The following GPSM2 variants were observed in gnomAD, a reference collection of about 807,000 sequenced individuals.
The protein encoded by GPSM2 is G protein-signaling modulator 2.
In GPSM2, 58 loss-of-function variants were observed where a neutral mutation model predicts 78.4. That is an observed-to-expected ratio of 0.74 (90% CI 0.60 to 0.92). The LOEUF (loss-of-function observed/expected upper bound fraction) is 0.92. Among genes scored for constraint, GPSM2 ranks in the 40% least tolerant of loss-of-function variants. GPSM2 has a pLI of 0.00. For synonymous variants in GPSM2, 224 were observed against 280.2 expected (o/e 0.80, Z 2.00); for missense variants, 700 against 815.5 (o/e 0.86, Z 1.73).
chr1:108,891,624 AGCTGGGACTACTACAGGT>A (rs1647975478), intron 2 of GPSM2, among the ~76,000 whole-genome samples: 3 of 150,418 alleles, frequency 2.0e-5, no homozygotes, highest in Non-Finnish European at 4.4e-5. Context: ...CCTCCCGAGT[AGCTGGGACTACTACAGGT>A]GCATGCCACC....
At chr1:108,901,303 G>A (rs960062342) in intron 7 of GPSM2, among the ~76,000 whole-genome samples, 6 of 152,130 alleles carry the variant, frequency 3.9e-5, no homozygotes, top group Non-Finnish European at 7.4e-5. Context: ...TTCATGAGTT[G>A]GTGACTAATG....
chr1:108,887,986 C>T (rs781544413), intron 2 of GPSM2, among the ~76,000 whole-genome samples: 18 of 152,130 alleles, frequency 1.2e-4, no homozygotes, highest in Non-Finnish European at 1.8e-4. Flanking sequence ...TTGCACTAAA[C>T]GATAAAATAA....
At position 108,932,421 on chromosome 1, in the gene GPSM2, C is replaced by G. The variant is rs879500380; in HGVS notation, c.*2481C>G. ...AATTTGCTTTCATATTTAAGTCTTT[C>G]CTGAATTGCTGTCATCATTCAACAA... is the stretch of plus-strand genomic sequence containing the variant. On this transcript the variant is annotated 3_prime_UTR_variant, in exon 15 of 15. Coordinates refer to ENST00000264126, the MANE Select transcript of GPSM2 (RefSeq NM_013296.5). 6 of 152,178 alleles carry G rather than the reference C, an allele frequency of 3.9e-5. No homozygotes were observed. The highest frequency in any genetic ancestry group is 8.8e-5 in the Non-Finnish European group (6 of 68,042). The allele number at this position is 152,178 out of a possible 1,614,324, so 9.4% of individuals were successfully genotyped here.
At chr1:108,922,277 A>T (rs1304517986) in intron 12 of GPSM2, 140 bp from the exon 13 acceptor site, 6 of 655,152 alleles carry the variant, frequency 9.2e-6, no homozygotes, top group Non-Finnish European at 1.4e-5. Flanking sequence ...AATATTTGCC[A>T]TCTTGTATTC....
At chr1:108,894,066 T>C (rs1316802540) in intron 2 of GPSM2, among the ~76,000 whole-genome samples, 2 of 152,110 alleles carry the variant, frequency 1.3e-5, no homozygotes, top group Non-Finnish European at 2.9e-5. Flanking sequence ...ATTACATTTT[T>C]ATATATCTTT....
At chr1:108,917,633 T>TG (rs1650358606) in intron 11 of GPSM2, among the ~76,000 whole-genome samples, 1 of 19,234 alleles carries the variant, frequency 5.2e-5, no homozygotes, top group African/African-American at 4.0e-4. Context: ...TATATATATA[T>TG]ATATATATAT....
At chr1:108,914,269 T>C (rs1348585624) in intron 10 of GPSM2, 69 bp from the exon 11 acceptor site, 15 of 1,003,378 alleles carry the variant, frequency 1.5e-5, no homozygotes, top group South Asian at 1.3e-5. Flanking sequence ...AACTGAATAA[T>C]GTAATGATGC....
intron 7 of GPSM2, among the ~76,000 whole-genome samples, chr1:108,901,058 T>C (rs1648769060): frequency 6.6e-6 from 1 of 152,222 alleles, no homozygotes; most frequent in South Asian, 2.1e-4. Flanking sequence ...AAGCACTTTA[T>C]ACATATTAAT....
intron 10 of GPSM2, among the ~76,000 whole-genome samples, chr1:108,911,100 TATCTA>T (rs995775938): frequency 2.0e-4 from 30 of 149,988 alleles, no homozygotes; most frequent in African/African-American, 6.8e-4. Flanking sequence ...GCAAGAGAAA[TATCTA>T]ATATAAGGAT....
At chr1:108,914,954 C>T (rs1650065577) in intron 11 of GPSM2, among the ~76,000 whole-genome samples, 1 of 152,006 alleles carries the variant, frequency 6.6e-6, no homozygotes, top group Non-Finnish European at 1.5e-5. Flanking sequence ...CTTCCCTAGG[C>T]TTTTTCTTGC....
Position 108,923,948 on chromosome 1 carries a change from T to C in GPSM2, c.1601-52T>C. 3.1e-6 allele frequency: 4 copies of C among 1,306,872 alleles called. No individual in the cohort carries two copies. The South Asian group carries it at 4.8e-5, about 16-fold the overall frequency. The allele number at this position is 1,306,872 out of a possible 1,614,324, so 81.0% of individuals were successfully genotyped here. A position where few individuals can be genotyped will look rare whatever the true frequency, so the allele number is the denominator to read the frequency against. On this transcript the variant is annotated intron_variant, in intron 13 of 14. Transcript: ENST00000264126. The stretch of plus-strand genomic sequence containing the variant: ...TAATAAATGTGCCTAGGTTTTTTTG[T>C]TTTTTGTTTTTTGTTTTTTTTTAAT...
At chr1:108,899,647 A>G (rs1648642452) in intron 7 of GPSM2, among the ~76,000 whole-genome samples, 1 of 152,208 alleles carries the variant, frequency 6.6e-6, no homozygotes, top group Admixed American at 6.5e-5. Flanking sequence ...GACAGCTTCA[A>G]GTTGCCTGAT....
chr1:108,879,218 CTT>C (rs35675342), intron 1 of GPSM2, among the ~76,000 whole-genome samples: 2 of 152,120 alleles, frequency 1.3e-5, no homozygotes, highest in Admixed American at 6.5e-5. Context: ...TGAATAGAAT[CTT>C]TACTGTGGAG....
At chr1:108,898,614 T>A (rs1648558974) in intron 5 of GPSM2, 28 bp from the exon 6 acceptor site, 1 of 1,611,580 alleles carries the variant, frequency 6.2e-7, no homozygotes, top group Non-Finnish European at 8.5e-7. Context: ...GCAAACTTAT[T>A]TTTTCATCAC....
At chr1:108,921,667 T>C (rs1024148403) in intron 12 of GPSM2, among the ~76,000 whole-genome samples, 5 of 152,164 alleles carry the variant, frequency 3.3e-5, no homozygotes, top group African/African-American at 1.2e-4. Context: ...AGTTGAATAC[T>C]AAAAACTTTT....
At chr1:108,878,560 T>C (rs1248918373) in intron 1 of GPSM2, among the ~76,000 whole-genome samples, 2 of 152,194 alleles carry the variant, frequency 1.3e-5, no homozygotes, top group Non-Finnish European at 2.9e-5. Context: ...TGATAAGATA[T>C]AGTAGTTTTA....
At chr1:108,882,379 C>T (rs1318411283) in intron 1 of GPSM2, among the ~76,000 whole-genome samples, 1 of 152,120 alleles carries the variant, frequency 6.6e-6, no homozygotes, top group Admixed American at 6.5e-5. Flanking sequence ...ATAACCTATA[C>T]GCATCTTCCC....
At chr1:108,901,512 A>G (rs1052488484) in intron 7 of GPSM2, among the ~76,000 whole-genome samples, 2 of 152,236 alleles carry the variant, frequency 1.3e-5, no homozygotes, top group African/African-American at 4.8e-5. Context: ...GTTAATCTCT[A>G]GAACCTCTTG....
At chr1:108,928,851 G>A (rs1233552527) in intron 14 of GPSM2, among the ~76,000 whole-genome samples, 10 of 152,004 alleles carry the variant, frequency 6.6e-5, no homozygotes, top group Non-Finnish European at 5.9e-5. Flanking sequence ...TTAGCCAGGT[G>A]TGGTGACGCA....
Sources: allele counts gnomAD v4.1 joint callset (sites outside exome capture counted in the v4.1 genomes callset), GRCh38; gene constraint gnomAD v4.1.1; transcripts MANE v1.5; gene names NCBI Gene and HGNC (gene_info 2026-07-23, HGNC 2026-07-21).